The following TRAPPC11 variants were observed in gnomAD, a reference collection of about 807,000 sequenced individuals.
TRAPPC11 encodes the protein foie gras homolog.
In TRAPPC11, 104 loss-of-function variants were observed where a neutral mutation model predicts 151.2. The observed-to-expected ratio is 0.69, with a 90% confidence interval of 0.59 to 0.81. The LOEUF (loss-of-function observed/expected upper bound fraction) is 0.81, where lower values mean the gene tolerates loss of function less well. TRAPPC11 is among the 30% of genes least tolerant of loss of function. The pLI is 0.00. For missense variants in TRAPPC11, 1,230 were observed against 1,349.6 expected (o/e 0.91, Z 1.39); for synonymous variants, 456 against 472.3 (o/e 0.97, Z 0.45).
rs1645265269 is a variant in TRAPPC11 at position 183,666,674 on chromosome 4, G to A, written c.374+248G>A. Among the ~76,000 whole-genome samples, 5 of 152,068 alleles carry A rather than the reference G, an allele frequency of 3.3e-5. No homozygotes were observed. The South Asian group carries it at 1.0e-3, about 32-fold the overall frequency. ...TGTTTTTCTTGTATTATCTTTTTTG[G>A]AGACATAGTAATTTACTGTTTAGTC... is the stretch of plus-strand genomic sequence containing the variant. On this transcript the variant is annotated intron_variant, in intron 3 of 29. Transcript: ENST00000334690.
intron 5 of TRAPPC11, among the ~76,000 whole-genome samples, chr4:183,670,672 C>G (rs1306296936): frequency 6.6e-6 from 1 of 152,230 alleles, no homozygotes. Flanking sequence ...GTGGCACAAT[C>G]TCGGCTCACT....
chr4:183,704,598 G>C (rs979302192), intron 26 of TRAPPC11, among the ~76,000 whole-genome samples: 5 of 151,712 alleles, frequency 3.3e-5, no homozygotes, highest in South Asian at 2.1e-4. Flanking sequence ...CGGATCACGA[G>C]GTCAGGAGAT....
chr4:183,705,000 C>A lies in TRAPPC11; in HGVS notation c.2985C>A (p.Ile995=), dbSNP rs901059932. Residue 995 remains isoleucine, a synonymous_variant, in exon 27 of 30, where the codon ATC becomes ATA. Transcript: ENST00000334690. The part of the protein sequence containing the change: ...SWKRTSAMEN[I]PIITTVITLP... Reference sequence around the variant, plus strand: ...ACAGGACCTCAGCAATGGAGAATATCCCCATCATCACAACTGTCATCACTC... The same window carrying A: ...ACAGGACCTCAGCAATGGAGAATATACCCATCATCACAACTGTCATCACTC... 3 of 1,598,504 alleles carry A rather than the reference C, an allele frequency of 1.9e-6. No individual in the cohort carries two copies. The African/African-American group carries it at 4.0e-5, about 21-fold the overall frequency.
intron 18 of TRAPPC11, among the ~76,000 whole-genome samples, chr4:183,689,527 G>A (rs916394788): frequency 6.6e-6 from 1 of 151,634 alleles, no homozygotes; most frequent in Admixed American, 6.6e-5. Flanking sequence ...TAAATTACCT[G>A]TTTTTCCTTA....
chr4:183,691,345 A>G lies in TRAPPC11; in HGVS notation c.1923A>G (p.Glu641=). The G allele has an allele frequency of 6.4e-7, 1 of 1,553,586 alleles. No homozygotes were observed. ...ACAACCAGTTCTGTGTAATAGAAGAAGCATCCAAAGCAAATGAAGTTTTAG... is the reference window on the plus strand; with the variant it reads ...ACAACCAGTTCTGTGTAATAGAAGAGGCATCCAAAGCAAATGAAGTTTTAG... ...QEYNQFCVIE[E]ASKANEVLEN... Residue 641 remains glutamate, a synonymous_variant, in exon 19 of 30, where the codon GAA becomes GAG. Transcript: ENST00000334690.
intron 4 of TRAPPC11, 65 bp downstream of exon 4, chr4:183,667,195 G>T: frequency 7.5e-7 from 1 of 1,341,278 alleles, no homozygotes; most frequent in Non-Finnish European, 1.0e-6. Flanking sequence ...AGGGAGATAG[G>T]GGTTTTTTGG....
intron 18 of TRAPPC11, among the ~76,000 whole-genome samples, chr4:183,689,572 G>C (rs1736148874): frequency 6.6e-6 from 1 of 151,580 alleles, no homozygotes; most frequent in Admixed American, 6.6e-5. Flanking sequence ...AGAAGGGCAG[G>C]GGTTTTTTTT....
rs1354129097 is a variant in TRAPPC11 at position 183,682,832 on chromosome 4, A to G, written c.1207+7A>G. ...TGGCGACAAGGAATACTAAGTAAAT[A>G]ATTTTTCCCTCTGTCCTTTCCTCTC... is the stretch of plus-strand genomic sequence containing the variant. On this transcript the variant is annotated splice_region_variant and intron_variant, in intron 11 of 29. Transcript: ENST00000334690. 2 of 1,597,964 alleles carry G rather than the reference A, an allele frequency of 1.3e-6. No individual in the cohort carries two copies. The highest frequency in any genetic ancestry group is 1.7e-6 in the Non-Finnish European group (2 of 1,165,588).
intron 9 of TRAPPC11, 40 bp downstream of exon 9, chr4:183,679,526 A>T (rs889853686): frequency 2.0e-6 from 3 of 1,528,072 alleles, no homozygotes; most frequent in African/African-American, 1.4e-5. Context: ...TTTAAAAATG[A>T]TACATAGTAT....
chr4:183,686,721 C>T lies in TRAPPC11; in HGVS notation c.1866C>T (p.Ser622=), dbSNP rs749705947. The change falls in exon 18 of 30, where the codon TCC becomes TCT. Residue 622 remains serine, a synonymous_variant. Transcript: ENST00000334690. The part of the protein sequence containing the change: ...KADCPHPIRF[S]KLCVSFNNQE... ...ATTGTCCACATCCCATTAGGTTTTCCAAGCTCTGTGTCAGCTTTAATAATC... is the reference window on the plus strand; with the variant it reads ...ATTGTCCACATCCCATTAGGTTTTCTAAGCTCTGTGTCAGCTTTAATAATC... 23 of 1,614,032 alleles carry T rather than the reference C, an allele frequency of 1.4e-5. No homozygotes were observed. The highest frequency in any genetic ancestry group is 1.9e-5 in the Non-Finnish European group (22 of 1,179,970).
intron 18 of TRAPPC11, among the ~76,000 whole-genome samples, chr4:183,691,043 C>T (rs1736232633): frequency 6.6e-6 from 1 of 152,126 alleles, no homozygotes; most frequent in Non-Finnish European, 1.5e-5. Context: ...AGGTGATAAA[C>T]AGTAGTGTCC....
chr4:183,686,649 T>A lies in TRAPPC11; in HGVS notation c.1794T>A (p.Ser598Arg), dbSNP rs1735985284. Residue 598 changes from serine (S) to arginine (R), a missense_variant, in exon 18 of 30, where the codon AGT (serine) becomes AGA (arginine). Transcript: ENST00000334690. ...GCAAAGCCAAGTTTCATGCCCCAAGTTTTCATGTTGATGTTCCTGTTCAGT... is the reference window on the plus strand; with the variant it reads ...GCAAAGCCAAGTTTCATGCCCCAAGATTTCATGTTGATGTTCCTGTTCAGT... ...VQCKAKFHAP[S>R]FHVDVPVQFD... 1 of 1,613,958 alleles carries A rather than the reference T, an allele frequency of 6.2e-7. No individual in the cohort carries two copies. The highest frequency in any genetic ancestry group is 1.7e-5 in the Admixed American group (1 of 60,004).
chr4:183,709,671 A>G (rs1299519839), intron 29 of TRAPPC11, among the ~76,000 whole-genome samples: 2 of 152,152 alleles, frequency 1.3e-5, no homozygotes, highest in East Asian at 3.9e-4. Context: ...GCTACTTGGG[A>G]GGCTGAGGCA....
intron 2 of TRAPPC11, among the ~76,000 whole-genome samples, chr4:183,665,156 G>C (rs1452715439): frequency 6.9e-6 from 1 of 144,966 alleles, no homozygotes; most frequent in Non-Finnish European, 1.5e-5. Context: ...GTGCTGTGGC[G>C]CGATATCGGC....
chr4:183,685,267 G>T lies in TRAPPC11; in HGVS notation c.1630-4G>T, dbSNP rs1031519374. 3 of 1,613,266 alleles carry T rather than the reference G, an allele frequency of 1.9e-6. No individual in the cohort carries two copies. In the South Asian group the frequency reaches 3.3e-5, roughly 18 times the overall value. On this transcript the variant is annotated splice_polypyrimidine_tract_variant and splice_region_variant and intron_variant, in intron 16 of 29. Coordinates refer to ENST00000334690, the MANE Select transcript of TRAPPC11 (RefSeq NM_021942.6). ...GAATGGATGTTAACTCTGTGTTGAT[G>T]CAGAATGAAAGTCCTGATCCAGAAC...
chr4:183,677,913 A>G (rs1735490842), intron 8 of TRAPPC11, among the ~76,000 whole-genome samples: 2 of 151,756 alleles, frequency 1.3e-5, no homozygotes, highest in Admixed American at 1.3e-4. Flanking sequence ...GGCACAGAAA[A>G]GAAGTGTCTA....
At chr4:183,661,431 G>A (rs956590051) in intron 1 of TRAPPC11, among the ~76,000 whole-genome samples, 28 of 144,150 alleles carry the variant, frequency 1.9e-4, no homozygotes, top group Admixed American at 3.7e-4. Context: ...GAGTGCAGTG[G>A]CGCGATCTCC....
chr4:183,686,461 G>C (rs994532415), intron 17 of TRAPPC11, among the ~76,000 whole-genome samples, 157 bp from the exon 18 acceptor site: 1 of 152,170 alleles, frequency 6.6e-6, no homozygotes, highest in African/African-American at 2.4e-5. Flanking sequence ...ATAATAAAAA[G>C]TTAGCTCATT....
Position 183,705,053 on chromosome 4 carries a change from C to T in TRAPPC11, c.3038C>T (p.Pro1013Leu). ...CCGCACGTGATTGTGGAGAATATCC[C>T]TCTCCATGTGAATGCAGGTAGCGGA... ...TLPHVIVENI[P>L]LHVNADLPSF... is the part of the protein sequence containing the mutation. The change falls in exon 27 of 30, where the codon CCT becomes CTT. Residue 1013 changes from proline (P) to leucine (L), a missense_variant. Physicochemically the swap from Pro to Leu is moderately conservative, Grantham distance 98 (BLOSUM62 -3). Transcript: ENST00000334690. The T allele has an allele frequency of 1.9e-6, 3 of 1,589,362 alleles. No individual in the cohort carries two copies. Among genetic ancestry groups the T allele is most frequent in the Non-Finnish European group, 2.6e-6 (3 of 1,162,558 alleles).
Sources: gnomAD v4.1 joint callset for allele counts (sites outside exome capture counted in the v4.1 genomes callset) on GRCh38, gnomAD v4.1.1 for gene constraint, MANE v1.5 for transcripts, NCBI Gene and HGNC (gene_info 2026-07-23, HGNC 2026-07-21) for gene names.